The following RERE variants were observed in gnomAD, a reference collection of about 807,000 sequenced individuals.
RERE encodes the protein arginine-glutamic acid dipeptide repeats protein.
A neutral mutation model predicts 146.1 loss-of-function variants in RERE; 40 were observed. The observed-to-expected ratio is 0.27, with a 90% CI of 0.21 to 0.36. The LOEUF is 0.36. RERE is among the 10% of genes least tolerant of loss of function. The probability of loss-of-function intolerance (pLI) is 1.00; values close to 1 mark genes in which losing one functional copy is unlikely to be tolerated. For missense variants in RERE, 1,933 were observed against 2,138.7 expected (o/e 0.90, Z 1.90); for synonymous variants, 1,003 against 866.0 (o/e 1.16, Z -2.78).
At chr1:8,465,495 T>C (rs1644583212) in intron 11 of RERE, 3 of 345,228 alleles carry the variant, frequency 8.7e-6, no homozygotes, top group Non-Finnish European at 1.7e-5. Flanking sequence ...AAAACCAGCC[T>C]GAGCAACACG....
rs1647025273 is a variant in RERE at position 8,630,724 on chromosome 1, TCATACATACATACGTACATATATACACA to T, written c.326-6372_326-6345del. 4.6e-5 allele frequency among the ~76,000 whole-genome samples: 7 copies of T among 152,246 alleles called. No homozygotes were observed. The South Asian group carries it at 1.4e-3, about 32-fold the overall frequency. On this transcript the variant is annotated intron_variant, in intron 2 of 22. Transcript: ENST00000400908. ...GACAGAGTGAGACCCTGTCACTCAG[TCATACATACATACGTACATATATACACA>T]CATACATACATGGAAAAGGAAACAA...
At chr1:8,781,336 G>A (rs1374974220) in intron 1 of RERE, among the ~76,000 whole-genome samples, 1 of 148,368 alleles carries the variant, frequency 6.7e-6, no homozygotes, top group Admixed American at 6.9e-5. Context: ...AGAGCCTGGT[G>A]ACAGAGCAAG....
intron 22 of RERE, 61 bp from the exon 23 acceptor site, chr1:8,355,181 C>T: frequency 1.3e-6 from 2 of 1,551,078 alleles, no homozygotes; most frequent in South Asian, 2.2e-5. Context: ...GTCACGCAGG[C>T]TGGAGGCAAC....
At chr1:8,713,222 T>C (rs1333422009) in intron 1 of RERE, among the ~76,000 whole-genome samples, 1 of 152,194 alleles carries the variant, frequency 6.6e-6, no homozygotes, top group African/African-American at 2.4e-5. Context: ...TAGAAACAAT[T>C]AGCAGTGGGT....
intron 1 of RERE, among the ~76,000 whole-genome samples, chr1:8,780,539 T>C (rs1328877630): frequency 6.6e-6 from 1 of 152,028 alleles, no homozygotes; most frequent in Non-Finnish European, 1.5e-5. Flanking sequence ...AAGAGAACAA[T>C]GCCATCCAGG....
chr1:8,687,969 C>A (rs144608911), intron 1 of RERE, among the ~76,000 whole-genome samples: 1 of 152,300 alleles, frequency 6.6e-6, no homozygotes, highest in East Asian at 1.9e-4. Flanking sequence ...TCACCAAGAA[C>A]TGCCATATAA....
chr1:8,421,918 T>G (rs1013617469), intron 12 of RERE, among the ~76,000 whole-genome samples: 1 of 152,056 alleles, frequency 6.6e-6, no homozygotes, highest in Non-Finnish European at 1.5e-5. Flanking sequence ...CTGCTCCAAC[T>G]CCATCCCATC....
intron 1 of RERE, among the ~76,000 whole-genome samples, chr1:8,734,180 A>T (rs1041991843): frequency 3.3e-5 from 5 of 152,224 alleles, no homozygotes; most frequent in African/African-American, 7.2e-5. Context: ...CTTTACTTTG[A>T]TACAGCTGGA....
chr1:8,548,200 C>A (rs1645890015), intron 6 of RERE, among the ~76,000 whole-genome samples: 1 of 152,066 alleles, frequency 6.6e-6, no homozygotes, highest in African/African-American at 2.4e-5. Context: ...GAAGGATGAT[C>A]CAGCAAGTAA....
At chr1:8,598,182 G>A (rs191106046) in intron 4 of RERE, among the ~76,000 whole-genome samples, 10 of 152,242 alleles carry the variant, frequency 6.6e-5, no homozygotes, top group Admixed American at 3.9e-4. Context: ...ATTATAAAGC[G>A]TACAGCAAGC....
chr1:8,576,789 G>C (rs1459325219), intron 4 of RERE, among the ~76,000 whole-genome samples: 1 of 152,224 alleles, frequency 6.6e-6, no homozygotes, highest in Non-Finnish European at 1.5e-5. Context: ...TGGCACAATT[G>C]TGTTATAGAA....
At chr1:8,739,821 GATT>G (rs1293667125) in intron 1 of RERE, among the ~76,000 whole-genome samples, 1 of 95,204 alleles carries the variant, frequency 1.1e-5, no homozygotes, top group Non-Finnish European at 2.3e-5. Flanking sequence ...ACTCCATTAT[GATT>G]AATGTTAATA....
chr1:8,715,685 C>T (rs1334787490), intron 1 of RERE, among the ~76,000 whole-genome samples: 1 of 152,090 alleles, frequency 6.6e-6, no homozygotes, highest in African/African-American at 2.4e-5. Context: ...AGGCAGATTG[C>T]TTGAGCTCAA....
At chr1:8,606,921 G>A (rs1226381484) in intron 4 of RERE, among the ~76,000 whole-genome samples, 1 of 152,092 alleles carries the variant, frequency 6.6e-6, no homozygotes, top group Non-Finnish European at 1.5e-5. Flanking sequence ...GCAACTTCCA[G>A]GCACCAGGCA....
intron 1 of RERE, among the ~76,000 whole-genome samples, chr1:8,742,488 T>C (rs1161497867): frequency 6.6e-6 from 1 of 152,106 alleles, no homozygotes; most frequent in Admixed American, 6.6e-5. Flanking sequence ...GGAAATATAT[T>C]CAGGACTAGA....
intron 1 of RERE, among the ~76,000 whole-genome samples, chr1:8,805,002 T>TTTTG (rs1641658773): frequency 9.4e-6 from 1 of 106,828 alleles, no homozygotes; most frequent in African/African-American, 3.9e-5. Context: ...TTTTGTTTTG[T>TTTTG]TTTTGGTTTT....
chr1:8,804,476 T>C (rs1035072707), intron 1 of RERE, among the ~76,000 whole-genome samples: 1 of 152,204 alleles, frequency 6.6e-6, no homozygotes, highest in African/African-American at 2.4e-5. Flanking sequence ...CCAGATGTAG[T>C]GCAATACTGA....
intron 6 of RERE, among the ~76,000 whole-genome samples, chr1:8,542,930 T>G (rs1645816641): frequency 6.6e-6 from 1 of 152,222 alleles, no homozygotes; most frequent in African/African-American, 2.4e-5. Flanking sequence ...ATTCCAGGGT[T>G]ACTGAGCACT....
intron 1 of RERE, among the ~76,000 whole-genome samples, chr1:8,813,044 G>A (rs901507291): frequency 1.3e-5 from 2 of 151,870 alleles, no homozygotes; most frequent in Non-Finnish European, 2.9e-5. Context: ...AGGACAAGGA[G>A]AGCTTCAACT....
Sources: allele counts gnomAD v4.1 joint callset (sites outside exome capture counted in the v4.1 genomes callset), GRCh38; gene constraint gnomAD v4.1.1; transcripts MANE v1.5; gene names NCBI Gene and HGNC (gene_info 2026-07-23, HGNC 2026-07-21).